SPDYE3: variants seen among roughly 807,000 people sequenced by gnomAD.
SPDYE3 encodes speedy protein E3.
In SPDYE3, 15 loss-of-function variants were observed where a neutral mutation model predicts 55.0. The ratio of observed to expected loss-of-function variants is 0.27; its 90% CI spans 0.18 to 0.42. SPDYE3 has a LOEUF of 0.42. Among genes scored for constraint, SPDYE3 ranks in the 10% least tolerant of loss-of-function variants. The pLI, the probability that SPDYE3 is intolerant of heterozygous loss-of-function variation, is 1.00. For synonymous variants in SPDYE3, 89 were observed against 229.9 expected (o/e 0.39, Z 5.55); for missense variants, 236 against 576.7 (o/e 0.41, Z 6.05).
intron 2 of SPDYE3, among the ~76,000 whole-genome samples, chr7:100,309,935 A>G (rs912183957): frequency 1.1e-4 from 16 of 143,722 alleles, no homozygotes; most frequent in African/African-American, 3.8e-4. Context: ...GTCTCTACTA[A>G]AAGTACAAAA....
intron 6 of SPDYE3, among the ~76,000 whole-genome samples, chr7:100,315,316 CAAAGAA>C (rs1226527957): frequency 3.9e-5 from 6 of 152,062 alleles, no homozygotes; most frequent in Non-Finnish European, 7.4e-5. Flanking sequence ...AAAAATCAAA[CAAAGAA>C]AAACAAAATC....
rs1167734336 is a variant in SPDYE3 at position 100,311,533 on chromosome 7, G to C, written c.545-217G>C. On this transcript the variant is annotated intron_variant, in intron 3 of 10. Coordinates refer to ENST00000332397, the MANE Select transcript of SPDYE3 (RefSeq NM_001004351.5). ...CCTCAGAGAGCCAGGGACCAGGGAA[G>C]GATATGACGCAGTGTTCTGAGGACA... Among the ~76,000 whole-genome samples, 643 of 123,824 alleles carry C rather than the reference G, an allele frequency of 5.2e-3. 1 individual carries two copies. Among genetic ancestry groups the C allele is most frequent in the Non-Finnish European group, 5.9e-3 (326 of 54,932 alleles). 81.2% of individuals were successfully genotyped at this position (123,824 alleles called of 152,430 possible).
chr7:100,312,496 CA>C (rs1211047563), intron 4 of SPDYE3, among the ~76,000 whole-genome samples: 625 of 54,446 alleles, frequency 0.011, 14 homozygotes, highest in African/African-American at 0.036. Flanking sequence ...GACGCTGTCT[CA>C]AAAAAAAAAA....
At chr7:100,320,234 C>G in intron 10 of SPDYE3, 199 bp downstream of exon 10, 1 of 1,260,996 alleles carries the variant, frequency 7.9e-7, no homozygotes, top group Non-Finnish European at 1.1e-6. Context: ...AGGAGGATCG[C>G]TGGAGCCTGG....
Position 100,309,736 on chromosome 7 carries a change from A to G in SPDYE3, c.325+544A>G, listed in dbSNP as rs1234086358. Among the ~76,000 whole-genome samples, 50 of 141,864 alleles carry G rather than the reference A, an allele frequency of 3.5e-4. No homozygotes were observed. The East Asian group carries it at 4.1e-3, about 12-fold the overall frequency. 93.1% of individuals were successfully genotyped at this position (141,864 alleles called of 152,430 possible). A position where few individuals can be genotyped will look rare whatever the true frequency, so the allele number is the denominator to read the frequency against. ...ACGCTGTCTCAAAAAAAAAAAAAAA[A>G]AAGAAGAAAAAAAAGAAGGGTCAGA... On this transcript the variant is annotated intron_variant, in intron 2 of 10. Transcript: ENST00000332397.
intron 8 of SPDYE3, among the ~76,000 whole-genome samples, chr7:100,317,679 A>T (rs1806137461): frequency 6.6e-6 from 1 of 151,772 alleles, no homozygotes; most frequent in Non-Finnish European, 1.5e-5. Context: ...TAAAAGAGTA[A>T]AACAGGCCAG....
rs1269441552 is a variant in SPDYE3 at position 100,321,910 on chromosome 7, A to C, written c.*1065A>C. 6.7e-6 allele frequency: 1 copy of C among 149,032 alleles called. No homozygotes were observed. 9.2% of individuals were successfully genotyped at this position (149,032 alleles called of 1,614,324 possible). A position where few individuals can be genotyped will look rare whatever the true frequency, so the allele number is the denominator to read the frequency against. ...GTTATTACTTTAAATATTATTTTAA[A>C]TATTTTGGAAATACTGGTATTTTTG... On this transcript the variant is annotated 3_prime_UTR_variant, in exon 11 of 11. Coordinates refer to ENST00000332397, the MANE Select transcript of SPDYE3 (RefSeq NM_001004351.5).
intron 7 of SPDYE3, among the ~76,000 whole-genome samples, chr7:100,316,614 C>A (rs1254936091): frequency 1.3e-5 from 2 of 152,140 alleles, no homozygotes; most frequent in African/African-American, 4.8e-5. Context: ...TATGATTTGT[C>A]AGCATCTCCC....
In SPDYE3 at chr7:100,311,934, C is replaced by G; in HGVS notation, c.729C>G (p.Leu243=). The change falls in exon 4 of 11, where the codon CTC becomes CTG. Residue 243 remains leucine (L), a synonymous_variant. Transcript: ENST00000332397. ...KAKRRRVSLV[L]PEYYEAFNRL... is the part of the protein sequence containing the mutation. ...AGCGACGGCGAGTGTCGCTCGTGCTCCCTGAGTACTACGAGGCCTTCAACA... is the reference window on the plus strand; with the variant it reads ...AGCGACGGCGAGTGTCGCTCGTGCTGCCTGAGTACTACGAGGCCTTCAACA... The G allele has an allele frequency of 7.7e-7, 1 of 1,304,718 alleles. No homozygotes were observed. Among genetic ancestry groups the G allele is most frequent in the Admixed American group, 2.2e-5 (1 of 46,386 alleles). The allele number at this position is 1,304,718 out of a possible 1,614,324, so 80.8% of individuals were successfully genotyped here.
Position 100,315,832 on chromosome 7 carries a change from G to A in SPDYE3, c.1249G>A (p.Val417Met). 6.2e-7 allele frequency: 1 copy of A among 1,600,344 alleles called. No homozygotes were observed. Among genetic ancestry groups the A allele is most frequent in the Non-Finnish European group, 8.5e-7 (1 of 1,179,742 alleles). ...CCTGGCCTGGGACAAAGATCTGAGG[G>A]TGTCAGACAAGGTAAGGTTGTTCTC... is the stretch of plus-strand genomic sequence containing the variant. ...RFLAWDKDLR[V>M]SDKYLLAMVI... The change falls in exon 7 of 11, where the codon GTG becomes ATG. Residue 417 changes from valine to methionine, a missense_variant. By Grantham distance (21) the Val-to-Met change is conservative. Coordinates refer to ENST00000332397, the MANE Select transcript of SPDYE3 (RefSeq NM_001004351.5).
At chr7:100,315,599 G>A (rs1267190750) in intron 6 of SPDYE3, among the ~76,000 whole-genome samples, 186 bp from the exon 7 acceptor site, 1 of 152,084 alleles carries the variant, frequency 6.6e-6, no homozygotes, top group Non-Finnish European at 1.5e-5. Context: ...CTCTTCTCAG[G>A]GGAGTCTCAG....
intron 4 of SPDYE3, among the ~76,000 whole-genome samples, 185 bp from the exon 5 acceptor site, chr7:100,312,955 G>A (rs1025154988): frequency 2.0e-5 from 3 of 149,812 alleles, no homozygotes; most frequent in African/African-American, 7.4e-5. Flanking sequence ...GACAGAGAGA[G>A]GGAAGAATGG....
chr7:100,311,602 T>C lies in SPDYE3; in HGVS notation c.545-148T>C, dbSNP rs1450618883. 4.1e-5 allele frequency: 23 copies of C among 566,848 alleles called. 1 individual carries two copies. The East Asian group carries it at 5.5e-4, about 14-fold the overall frequency. 35.1% of individuals were successfully genotyped at this position (566,848 alleles called of 1,614,324 possible). A position where few individuals can be genotyped will look rare whatever the true frequency, so the allele number is the denominator to read the frequency against. The stretch of plus-strand genomic sequence containing the variant: ...GAGGGGAAGGAGTGGCACATGGGGT[T>C]GAGCAGAGGAGAAAGTCAGAAAGGT... On this transcript the variant is annotated intron_variant, in intron 3 of 10. Transcript: ENST00000332397.
intron 7 of SPDYE3, 65 bp from the exon 8 acceptor site, chr7:100,317,005 A>C: frequency 2.5e-6 from 4 of 1,592,280 alleles, no homozygotes; most frequent in South Asian, 2.2e-5. Context: ...CCATTCCACT[A>C]TCTCCACAAT....
At chr7:100,316,586 G>A (rs1372230260) in intron 7 of SPDYE3, among the ~76,000 whole-genome samples, 2 of 152,128 alleles carry the variant, frequency 1.3e-5, no homozygotes, top group African/African-American at 4.8e-5. Context: ...CGCCACTCCC[G>A]GCTATTCTTT....
chr7:100,317,816 A>T (rs1453458480), intron 8 of SPDYE3, among the ~76,000 whole-genome samples: 1 of 150,390 alleles, frequency 6.6e-6, no homozygotes, highest in Non-Finnish European at 1.5e-5. Context: ...AAAAAAAAAA[A>T]ATACAAAAAA....
intron 10 of SPDYE3, chr7:100,320,531 C>G: frequency 1.0e-6 from 1 of 963,988 alleles, no homozygotes; most frequent in Non-Finnish European, 1.3e-6. Context: ...AGAAACAGAT[C>G]TAGCACAGTT....
intron 1 of SPDYE3, among the ~76,000 whole-genome samples, chr7:100,308,330 CAAAAAAAA>C (rs1302549830): frequency 2.1e-5 from 1 of 46,756 alleles, no homozygotes; most frequent in Non-Finnish European, 4.4e-5. Flanking sequence ...GACGCTGTCT[CAAAAAAAA>C]AAAAAAAAAA....
chr7:100,319,418 C>A (rs551004099), intron 8 of SPDYE3, 147 bp from the exon 9 acceptor site: 72 of 1,418,428 alleles, frequency 5.1e-5, no homozygotes, highest in Admixed American at 1.4e-4. Flanking sequence ...TCCAGCAGAG[C>A]CCTCCTGAGG....
Sources: gnomAD v4.1 joint callset for allele counts (sites outside exome capture counted in the v4.1 genomes callset) on GRCh38, gnomAD v4.1.1 for gene constraint, MANE v1.5 for transcripts, NCBI Gene and HGNC (gene_info 2026-07-23, HGNC 2026-07-21) for gene names.